Variants in GTF2E2 observed in about 807,000 individuals in gnomAD.
The protein encoded by GTF2E2 is general transcription factor IIE subunit 2, also known as transcription initiation factor IIE subunit beta.
A neutral mutation model predicts 40.5 loss-of-function variants in GTF2E2; 21 were observed. That is an observed-to-expected ratio of 0.52 (90% CI 0.37 to 0.75). The LOEUF (loss-of-function observed/expected upper bound fraction) is 0.75, where lower values mean the gene tolerates loss of function less well. Among genes scored for constraint, GTF2E2 ranks in the 30% least tolerant of loss-of-function variants. The probability of loss-of-function intolerance (pLI) is 0.00; values close to 1 mark genes in which losing one functional copy is unlikely to be tolerated. For synonymous variants in GTF2E2, 117 were observed against 121.6 expected (o/e 0.96, Z 0.25); for missense variants, 298 against 338.4 (o/e 0.88, Z 0.94).
intron 2 of GTF2E2, among the ~76,000 whole-genome samples, chr8:30,636,737 G>A (rs895051281): frequency 1.3e-5 from 2 of 151,920 alleles, no homozygotes; most frequent in Non-Finnish European, 2.9e-5. Flanking sequence ...ATAATGGCAC[G>A]TGCCTGTAGT....
intron 3 of GTF2E2, among the ~76,000 whole-genome samples, chr8:30,623,528 C>T (rs1005011193): frequency 9.9e-5 from 15 of 152,054 alleles, no homozygotes; most frequent in Non-Finnish European, 1.6e-4. Flanking sequence ...TCGGTATATA[C>T]CCAGTAATGG....
intron 1 of GTF2E2, among the ~76,000 whole-genome samples, chr8:30,655,722 A>G (rs1480920666): frequency 6.6e-6 from 1 of 152,236 alleles, no homozygotes; most frequent in African/African-American, 2.4e-5. Context: ...ATAAGCATTG[A>G]TAAGAAATAA....
At chr8:30,631,164 G>A (rs942577259) in intron 3 of GTF2E2, among the ~76,000 whole-genome samples, 5 of 152,104 alleles carry the variant, frequency 3.3e-5, no homozygotes, top group African/African-American at 9.7e-5. Context: ...GCGGTTACAG[G>A]CATGTGCCAA....
intron 5 of GTF2E2, among the ~76,000 whole-genome samples, chr8:30,609,209 T>A (rs1397038719): frequency 6.8e-6 from 1 of 147,084 alleles, no homozygotes; most frequent in Non-Finnish European, 1.5e-5. Flanking sequence ...GAGGTTGCAG[T>A]GAGCTGAGAT....
At chr8:30,590,743 T>C (rs1408029535) in intron 6 of GTF2E2, among the ~76,000 whole-genome samples, 2 of 151,394 alleles carry the variant, frequency 1.3e-5, no homozygotes, top group Non-Finnish European at 1.5e-5. Flanking sequence ...CAGGCTGGAG[T>C]GCAGTGGCGC....
intron 6 of GTF2E2, among the ~76,000 whole-genome samples, chr8:30,586,091 A>G (rs1261390073): frequency 1.3e-5 from 2 of 152,174 alleles, no homozygotes; most frequent in African/African-American, 4.8e-5. Flanking sequence ...CAACAACAAC[A>G]ACAAAACCAA....
At chr8:30,645,846 A>G (rs914324203) in intron 2 of GTF2E2, 3 of 385,136 alleles carry the variant, frequency 7.8e-6, no homozygotes, top group Non-Finnish European at 9.3e-6. Flanking sequence ...AAAACTGGAT[A>G]AAAGATTCCT....
intron 3 of GTF2E2, among the ~76,000 whole-genome samples, chr8:30,619,238 T>A (rs1041852219): frequency 6.6e-6 from 1 of 151,992 alleles, no homozygotes; most frequent in Non-Finnish European, 1.5e-5. Context: ...CCGTGCCCAG[T>A]CTACTTCAAT....
chr8:30,632,062 A>C (rs1371646804), intron 3 of GTF2E2, among the ~76,000 whole-genome samples: 1 of 152,238 alleles, frequency 6.6e-6, no homozygotes, highest in Non-Finnish European at 1.5e-5. Context: ...GTGAGCCAGG[A>C]TGGTGCCAAT....
intron 6 of GTF2E2, among the ~76,000 whole-genome samples, 173 bp from the exon 7 acceptor site, chr8:30,580,569 G>C (rs925389942): frequency 6.6e-6 from 1 of 152,166 alleles, no homozygotes; most frequent in Non-Finnish European, 1.5e-5. Context: ...TGCAGGGAAA[G>C]GCCTGGAGAC....
intron 6 of GTF2E2, among the ~76,000 whole-genome samples, chr8:30,586,335 C>T (rs894190935): frequency 2.6e-5 from 4 of 152,132 alleles, no homozygotes; most frequent in African/African-American, 4.8e-5. Context: ...ATGTCCACAA[C>T]GTAATCCCCA....
intron 6 of GTF2E2, among the ~76,000 whole-genome samples, 197 bp from the exon 7 acceptor site, chr8:30,580,593 C>T (rs1231042867): frequency 6.6e-6 from 1 of 152,180 alleles, no homozygotes; most frequent in Non-Finnish European, 1.5e-5. Context: ...ACTGCACCCA[C>T]ACAGCCCCGA....
At chr8:30,636,301 A>G (rs946090780) in intron 2 of GTF2E2, among the ~76,000 whole-genome samples, 1 of 152,202 alleles carries the variant, frequency 6.6e-6, no homozygotes, top group South Asian at 2.1e-4. Flanking sequence ...CTGATCCACA[A>G]AGAGAGAGGT....
At chr8:30,600,461 A>G (rs1035409869) in intron 6 of GTF2E2, among the ~76,000 whole-genome samples, 2 of 152,224 alleles carry the variant, frequency 1.3e-5, no homozygotes, top group African/African-American at 4.8e-5. Context: ...ATCCTCAAAG[A>G]CAATGAGGTA....
chr8:30,644,898 A>G (rs1376777029), intron 2 of GTF2E2, among the ~76,000 whole-genome samples: 1 of 151,954 alleles, frequency 6.6e-6, no homozygotes, highest in Non-Finnish European at 1.5e-5. Flanking sequence ...CTATAGGCAC[A>G]CACCACCATG....
intron 3 of GTF2E2, among the ~76,000 whole-genome samples, chr8:30,633,222 T>C (rs371852305): frequency 1.3e-5 from 2 of 152,270 alleles, no homozygotes; most frequent in South Asian, 2.1e-4. Flanking sequence ...AAAAGTTTGA[T>C]AGATGATCAA....
In GTF2E2 at chr8:30,639,503, T is replaced by C. The variant is rs146929820; in HGVS notation, c.167-4380A>G. Among the ~76,000 whole-genome samples, 541 of 152,126 alleles carry C rather than the reference T, an allele frequency of 3.6e-3. 4 individuals are homozygous for C. Among genetic ancestry groups the C allele is most frequent in the Admixed American group, 8.4e-3 (128 of 15,280 alleles). ...TAAACTGCATTTTAAAATAAAAATATGTCCTAAGAAGAACTGGTTAAGAAA... is the reference window on the plus strand; with the variant it reads ...TAAACTGCATTTTAAAATAAAAATACGTCCTAAGAAGAACTGGTTAAGAAA... On this transcript the variant is annotated intron_variant, in intron 2 of 7. Coordinates refer to ENST00000355904, the MANE Select transcript of GTF2E2 (RefSeq NM_002095.6).
At chr8:30,657,595 T>A (rs1318683975) in intron 1 of GTF2E2, 1 of 152,138 alleles carries the variant, frequency 6.6e-6, no homozygotes, top group Non-Finnish European at 1.5e-5. Flanking sequence ...AAAGGTAGCC[T>A]AGAAAGCAGT....
chr8:30,648,976 G>A (rs537582169), intron 2 of GTF2E2, among the ~76,000 whole-genome samples: 2 of 152,282 alleles, frequency 1.3e-5, no homozygotes, highest in South Asian at 2.1e-4. Context: ...GATGAAATTC[G>A]CTACCCAATA....
Sources: allele counts gnomAD v4.1 joint callset (sites outside exome capture counted in the v4.1 genomes callset), GRCh38; gene constraint gnomAD v4.1.1; transcripts MANE v1.5; gene names NCBI Gene and HGNC (gene_info 2026-07-23, HGNC 2026-07-21).